UXS1: variants seen among roughly 807,000 people sequenced by gnomAD.
UXS1 encodes UDP-glucuronate decarboxylase 1.
In UXS1, 33 loss-of-function variants were observed where a neutral mutation model predicts 62.6. The ratio of observed to expected loss-of-function variants is 0.53; its 90% CI spans 0.40 to 0.70. The LOEUF (loss-of-function observed/expected upper bound fraction) is 0.70, where lower values mean the gene tolerates loss of function less well. Ranked by LOEUF, UXS1 falls within the 30% of genes least tolerant of loss-of-function variation. The pLI, the probability that UXS1 is intolerant of heterozygous loss-of-function variation, is 0.00. For synonymous variants in UXS1, 213 were observed against 206.8 expected (o/e 1.03, Z -0.26); for missense variants, 434 against 556.3 (o/e 0.78, Z 2.21).
chr2:106,176,671 C>A (rs984372038), intron 1 of UXS1, among the ~76,000 whole-genome samples: 3 of 152,206 alleles, frequency 2.0e-5, no homozygotes, highest in Non-Finnish European at 2.9e-5. Context: ...CCGCCCTCAG[C>A]CTTCCAGGCC....
chr2:106,187,823 T>C (rs1684664002), intron 1 of UXS1, among the ~76,000 whole-genome samples: 2 of 151,428 alleles, frequency 1.3e-5, no homozygotes, highest in African/African-American at 4.8e-5. Flanking sequence ...CCCACTGCAA[T>C]TTCCGCCTCC....
chr2:106,158,200 C>CA, intron 4 of UXS1, 82 bp from the exon 5 acceptor site: 1 of 1,258,618 alleles, frequency 7.9e-7, no homozygotes, highest in Non-Finnish European at 1.1e-6. Flanking sequence ...AAAGCATGTG[C>CA]CAGGTTTTGG....
intron 1 of UXS1, among the ~76,000 whole-genome samples, chr2:106,191,599 G>A (rs1170041730): frequency 6.6e-6 from 1 of 152,210 alleles, no homozygotes; most frequent in African/African-American, 2.4e-5. Flanking sequence ...TGCCTGCTCT[G>A]GCCCCTGTCT....
intron 1 of UXS1, among the ~76,000 whole-genome samples, chr2:106,171,731 T>C (rs1371580579): frequency 1.3e-5 from 2 of 152,262 alleles, no homozygotes; most frequent in African/African-American, 4.8e-5. Context: ...TTCCGTTTTA[T>C]ACCTGTCCAT....
In UXS1 at chr2:106,140,154, C is replaced by A. The variant is rs1195236326; in HGVS notation, c.472+5036G>T. Among the ~76,000 whole-genome samples the A allele has an allele frequency of 3.9e-5, 6 of 152,314 alleles. No homozygotes were observed. In the East Asian group the frequency reaches 1.2e-3, roughly 29 times the overall value. The stretch of plus-strand genomic sequence containing the variant: ...TCATGTCAAATGTATTTACTTAGGG[C>A]AAAGGCTGCACACACTAGAGACTGG... On this transcript the variant is annotated intron_variant, in intron 6 of 14. Transcript: ENST00000283148.
At chr2:106,170,542 C>T (rs933047315) in intron 1 of UXS1, among the ~76,000 whole-genome samples, 1 of 152,134 alleles carries the variant, frequency 6.6e-6, no homozygotes, top group African/African-American at 2.4e-5. Context: ...TCTTCAGACG[C>T]GCTATAACCA....
At chr2:106,190,221 T>C (rs1684827166) in intron 1 of UXS1, among the ~76,000 whole-genome samples, 1 of 151,970 alleles carries the variant, frequency 6.6e-6, no homozygotes, top group Middle Eastern at 3.2e-3. Flanking sequence ...ACAACATGAC[T>C]CACTAGGAAC....
intron 6 of UXS1, 27 bp from the exon 7 acceptor site, chr2:106,129,805 T>C: frequency 6.6e-7 from 1 of 1,524,712 alleles, no homozygotes; most frequent in South Asian, 1.2e-5. Flanking sequence ...AGAAGCCTAT[T>C]ACTTCAAAAA....
intron 4 of UXS1, among the ~76,000 whole-genome samples, chr2:106,159,543 C>A (rs556599025): frequency 6.6e-6 from 1 of 152,184 alleles, no homozygotes. Context: ...GAATATAAAA[C>A]GTCCAGTGAG....
chr2:106,187,064 T>C (rs1030598667), intron 1 of UXS1, among the ~76,000 whole-genome samples: 1 of 151,742 alleles, frequency 6.6e-6, no homozygotes, highest in Non-Finnish European at 1.5e-5. Context: ...ATATATAAAA[T>C]ATATACAAAA....
chr2:106,192,114 T>G (rs983472484), intron 1 of UXS1, among the ~76,000 whole-genome samples: 1 of 152,200 alleles, frequency 6.6e-6, no homozygotes, highest in Non-Finnish European at 1.5e-5. Flanking sequence ...AGTCTGAGAA[T>G]CAACGTGCTA....
chr2:106,146,359 CTAAAA>C, intron 5 of UXS1, among the ~76,000 whole-genome samples: 1 of 152,228 alleles, frequency 6.6e-6, no homozygotes, highest in South Asian at 2.1e-4. Flanking sequence ...TCCTTTCTAC[CTAAAA>C]TAAAAGGTAT....
chr2:106,178,528 ATG>A (rs1684038642), intron 1 of UXS1, among the ~76,000 whole-genome samples: 2 of 151,650 alleles, frequency 1.3e-5, no homozygotes, highest in African/African-American at 2.4e-5. Context: ...GTCTATGTAT[ATG>A]TATGTGTCTG....
At chr2:106,127,314 T>G (rs543591831) in intron 7 of UXS1, among the ~76,000 whole-genome samples, 1 of 152,340 alleles carries the variant, frequency 6.6e-6, no homozygotes, top group East Asian at 1.9e-4. Flanking sequence ...TAAGAAAGCG[T>G]CAAACTGTTT....
intron 2 of UXS1, 117 bp downstream of exon 2, chr2:106,165,939 C>G: frequency 4.2e-6 from 4 of 960,274 alleles, no homozygotes; most frequent in Non-Finnish European, 6.0e-6. Flanking sequence ...TAGCAAGAAC[C>G]CACTTTTGTT....
At position 106,125,755 on chromosome 2, in the gene UXS1, A is replaced by C. The variant is rs1008755692; in HGVS notation, c.578-76T>G. 1.3e-5 allele frequency: 17 copies of C among 1,302,866 alleles called. No individual in the cohort carries two copies. The Admixed American group carries it at 2.3e-4, about 18-fold the overall frequency. The allele number at this position is 1,302,866 out of a possible 1,614,324, so 80.7% of individuals were successfully genotyped here. On this transcript the variant is annotated intron_variant, in intron 7 of 14. Coordinates refer to ENST00000283148, the MANE Select transcript of UXS1 (RefSeq NM_001253875.2). Reference sequence around the variant, plus strand: ...ACATTTTTTGCTGGCCAATTTAAGCAATGTTTTAGTATTAAAGACATTTAA... The same window carrying C: ...ACATTTTTTGCTGGCCAATTTAAGCCATGTTTTAGTATTAAAGACATTTAA...
intron 4 of UXS1, among the ~76,000 whole-genome samples, chr2:106,163,390 A>T (rs1683022453): frequency 6.6e-6 from 1 of 152,240 alleles, no homozygotes; most frequent in South Asian, 2.1e-4. Flanking sequence ...TGATCAATAT[A>T]TGCAGAAGTT....
chr2:106,100,403 T>C lies in UXS1; in HGVS notation c.984+655A>G, dbSNP rs145386481. ...CACTGTAGAGGCATCACACTAGCCA[T>C]GAATGGCCCCAGGTGGAGAAGTGAG... On this transcript the variant is annotated intron_variant, in intron 12 of 14. Transcript: ENST00000283148. Among the ~76,000 whole-genome samples, 345 of 152,256 alleles carry C rather than the reference T, an allele frequency of 2.3e-3. 1 individual carries two copies. The highest frequency in any genetic ancestry group is 4.1e-3 in the Non-Finnish European group (282 of 68,012).
At chr2:106,183,031 C>T (rs1318604977) in intron 1 of UXS1, among the ~76,000 whole-genome samples, 1 of 152,086 alleles carries the variant, frequency 6.6e-6, no homozygotes, top group East Asian at 1.9e-4. Flanking sequence ...AGAAAAAGAT[C>T]CTGATTTGGC....
Sources: gnomAD v4.1 joint callset for allele counts (sites outside exome capture counted in the v4.1 genomes callset) on GRCh38, gnomAD v4.1.1 for gene constraint, MANE v1.5 for transcripts, NCBI Gene and HGNC (gene_info 2026-07-23, HGNC 2026-07-21) for gene names.